RABL6: variants seen among roughly 807,000 people sequenced by gnomAD.
The protein encoded by RABL6 is RAB, member RAS oncogene family like 6.
A neutral mutation model predicts 72.9 loss-of-function variants in RABL6; 28 were observed. The observed-to-expected ratio is 0.38, with a 90% confidence interval of 0.28 to 0.53. The LOEUF is 0.53. RABL6 is among the 20% of genes least tolerant of loss of function. The pLI, the probability that RABL6 is intolerant of heterozygous loss-of-function variation, is 0.80. For synonymous variants in RABL6, 477 were observed against 421.2 expected (o/e 1.13, Z -1.62); for missense variants, 1,029 against 1,008.4 (o/e 1.02, Z -0.28).
In RABL6 at chr9:136,823,304, G is replaced by A. The variant is rs544322491; in HGVS notation, c.131-221G>A. Among the ~76,000 whole-genome samples, 19 of 152,166 alleles carry A rather than the reference G, an allele frequency of 1.2e-4. No homozygotes were observed. The South Asian group carries it at 1.7e-3, about 13-fold the overall frequency. On this transcript the variant is annotated intron_variant, in intron 1 of 14. Coordinates refer to ENST00000311502, the MANE Select transcript of RABL6 (RefSeq NM_024718.5). ...AGCTGCCCCCTGGGCCCGGTTCGCC[G>A]TTGATGCTCTGTGTGCTGCCAGGTG...
chr9:136,829,409 C>T lies in RABL6; in HGVS notation c.383C>T (p.Ala128Val). The T allele has an allele frequency of 1.3e-6, 2 of 1,575,896 alleles. No homozygotes were observed. Among genetic ancestry groups the T allele is most frequent in the Non-Finnish European group, 1.7e-6 (2 of 1,161,078 alleles). The change falls in exon 5 of 15, where the codon GCC (alanine) becomes GTC (valine). Residue 128 changes from alanine (A) to valine (V), a missense_variant. Ala to Val is a moderately conservative substitution (Grantham distance 64). Around this residue, in one of 2 missense-constraint regions of RABL6, gnomAD observed 434 missense variants for 536.1 expected, o/e 0.81. Transcript: ENST00000311502. ...NDPQEAESEM[A>V]LDAEFLDVYK... ...TGTCCCCAGGCGGAGTCTGAAATGGCCCTGGATGCTGAGTTCCTGGACGTG... is the reference window on the plus strand; with the variant it reads ...TGTCCCCAGGCGGAGTCTGAAATGGTCCTGGATGCTGAGTTCCTGGACGTG...
rs760093558 is a variant in RABL6 at position 136,823,673 on chromosome 9, G to A, written c.265+14G>A. The A allele has an allele frequency of 1.3e-6, 2 of 1,598,520 alleles. No homozygotes were observed. Among genetic ancestry groups the A allele is most frequent in the Admixed American group, 1.7e-5 (1 of 58,808 alleles). On this transcript the variant is annotated intron_variant, in intron 2 of 14. Coordinates refer to ENST00000311502, the MANE Select transcript of RABL6 (RefSeq NM_024718.5). Reference sequence around the variant, plus strand: ...GGAGCTACAAGAGTAAGTGTGGTGGGTGCCCCAGTGGGTTCGGGCTCCAGG... The same window carrying A: ...GGAGCTACAAGAGTAAGTGTGGTGGATGCCCCAGTGGGTTCGGGCTCCAGG...
In RABL6 at chr9:136,840,780, G is replaced by A. The variant is rs12001160; in HGVS notation, c.*258G>A. On this transcript the variant is annotated 3_prime_UTR_variant, in exon 15 of 15. Transcript: ENST00000311502. ...GCTCGGTGGACACCCTGGCCCTCTCGGGGCAGAGCCGCCAGTGTTTCTCAG... is the reference window on the plus strand; with the variant it reads ...GCTCGGTGGACACCCTGGCCCTCTCAGGGCAGAGCCGCCAGTGTTTCTCAG... 2.0e-4 allele frequency: 315 copies of A among 1,547,908 alleles called. 1 individual carries two copies. In the African/African-American group the frequency reaches 3.0e-3, roughly 15 times the overall value.
chr9:136,840,188 G>T lies in RABL6; in HGVS notation c.1965G>T (p.Lys655Asn), dbSNP rs779299268. 2 of 1,612,760 alleles carry T rather than the reference G, an allele frequency of 1.2e-6. No homozygotes were observed. The highest frequency in any genetic ancestry group is 1.7e-6 in the Non-Finnish European group (2 of 1,179,844). Residue 655 changes from lysine to asparagine, a missense_variant, in exon 14 of 15, where the codon AAG (lysine) becomes AAT (asparagine). Transcript: ENST00000311502. ...KEGKTPSKEK[K>N]KKKKKGKEEE... ...GCAAAACCCCCTCTAAGGAGAAGAAGAAGAAGAAGAAAAAAGGCAAAGAGG... is the reference window on the plus strand; with the variant it reads ...GCAAAACCCCCTCTAAGGAGAAGAATAAGAAGAAGAAAAAAGGCAAAGAGG...
chr9:136,829,341 CG>C, intron 4 of RABL6, 51 bp from the exon 5 acceptor site: 1 of 1,414,080 alleles, frequency 7.1e-7, no homozygotes, highest in South Asian at 1.2e-5. Flanking sequence ...GTGGGCCACA[CG>C]GGTGGGGCCC....
Position 136,832,256 on chromosome 9 carries a change from T to C in RABL6, c.600-9T>C. 1 of 1,612,422 alleles carries C rather than the reference T, an allele frequency of 6.2e-7. No homozygotes were observed. Reference sequence around the variant, plus strand: ...TTTCTCTTGCATCTTTTTTCCTTTCTGAAAGCAGACCTCCAGGTTCCTCCT... The same window carrying C: ...TTTCTCTTGCATCTTTTTTCCTTTCCGAAAGCAGACCTCCAGGTTCCTCCT... On this transcript the variant is annotated splice_polypyrimidine_tract_variant and intron_variant, in intron 6 of 14. Coordinates refer to ENST00000311502, the MANE Select transcript of RABL6 (RefSeq NM_024718.5).
chr9:136,832,154 G>T, intron 6 of RABL6, 111 bp from the exon 7 acceptor site: 1 of 1,070,008 alleles, frequency 9.3e-7, no homozygotes, highest in Non-Finnish European at 1.4e-6. Flanking sequence ...GGCCTCAGGA[G>T]CCTGCAGGAG....
chr9:136,831,141 ATTTC>A (rs1848464943), intron 5 of RABL6: 1 of 154,562 alleles, frequency 6.5e-6, no homozygotes, highest in Admixed American at 6.5e-5. Context: ...AGCGCTGGTT[ATTTC>A]TTCACAAGCC....
At position 136,839,016 on chromosome 9, in the gene RABL6, C is replaced by G. The variant is rs1256371544; in HGVS notation, c.1388C>G (p.Pro463Arg). The change falls in exon 11 of 15, where the codon CCC becomes CGC. Residue 463 changes from proline to arginine, a missense_variant. Pro to Arg is a moderately radical substitution (Grantham distance 103). This residue lies in a region of RABL6 where 595 missense variants were observed against 472.4 expected (regional missense o/e 1.26). Coordinates refer to ENST00000311502, the MANE Select transcript of RABL6 (RefSeq NM_024718.5). ...CCCCCGCTGCCTGCAGGCCCCGTCC[C>G]CAGTCAAGACATCACTCTTTCGAGT... ...GSPPLPAGPV[P>R]SQDITLSSEE... is the part of the protein sequence containing the mutation. The G allele has an allele frequency of 1.9e-6, 3 of 1,612,332 alleles. No homozygotes were observed. Among genetic ancestry groups the G allele is most frequent in the East Asian group, 2.2e-5 (1 of 44,890 alleles).
chr9:136,832,528 C>T, intron 7 of RABL6, 158 bp downstream of exon 7: 1 of 735,660 alleles, frequency 1.4e-6, no homozygotes, highest in Non-Finnish European at 2.5e-6. Context: ...ACTGCACCTG[C>T]CTGCTCTGGG....
rs1486291848 is a variant in RABL6, at chr9:136,841,039, A to G, written c.*517A>G. ...CTAGAAGGCTGGCGAGACCGAAGGC[A>G]GCATGTGAGGCCTCTCCTGGGAGTG... On this transcript the variant is annotated 3_prime_UTR_variant, in exon 15 of 15. Transcript: ENST00000311502. 1 of 1,428,824 alleles carries G rather than the reference A, an allele frequency of 7.0e-7. No homozygotes were observed. The highest frequency in any genetic ancestry group is 2.6e-5 in the East Asian group (1 of 38,684). 88.5% of individuals were successfully genotyped at this position (1,428,824 alleles called of 1,614,324 possible).
intron 1 of RABL6, chr9:136,814,090 G>A: frequency 2.9e-6 from 1 of 349,104 alleles, no homozygotes; most frequent in Non-Finnish European, 5.8e-6. Context: ...CAGGTCTTCA[G>A]CAGCTTGAAA....
intron 1 of RABL6, among the ~76,000 whole-genome samples, chr9:136,815,872 C>T (rs1848109393): frequency 6.6e-6 from 1 of 152,208 alleles, no homozygotes; most frequent in South Asian, 2.1e-4. Flanking sequence ...TGCATTGTAT[C>T]TTCTAAAACA....
At chr9:136,830,538 C>T (rs1848451225) in intron 5 of RABL6, among the ~76,000 whole-genome samples, 1 of 152,276 alleles carries the variant, frequency 6.6e-6, no homozygotes, top group Non-Finnish European at 1.5e-5. Context: ...ACACGCTGGC[C>T]TCACCTGGGC....
intron 1 of RABL6, chr9:136,814,950 C>G (rs761375069): frequency 2.3e-4 from 39 of 167,880 alleles, no homozygotes; most frequent in Non-Finnish European, 4.3e-4. Context: ...TCCTCTTCAT[C>G]TTCATTCCCA....
At chr9:136,824,608 C>T (rs570977302) in intron 2 of RABL6, among the ~76,000 whole-genome samples, 32 of 151,602 alleles carry the variant, frequency 2.1e-4, no homozygotes, top group African/African-American at 2.9e-4. Context: ...GGATTATAGG[C>T]GTGAGCCACC....
At chr9:136,816,192 C>T (rs1848115554) in intron 1 of RABL6, among the ~76,000 whole-genome samples, 1 of 152,170 alleles carries the variant, frequency 6.6e-6, no homozygotes, top group Admixed American at 6.5e-5. Flanking sequence ...GCAGCCTTCA[C>T]CTCCCTGGCT....
Position 136,835,950 on chromosome 9 carries a change from T to C in RABL6, c.809+105T>C, listed in dbSNP as rs537053348. 753 of 1,136,732 alleles carry C rather than the reference T, an allele frequency of 6.6e-4. 14 individuals carry two copies. The South Asian group carries it at 9.2e-3, about 14-fold the overall frequency. The allele number at this position is 1,136,732 out of a possible 1,614,324, so 70.4% of individuals were successfully genotyped here. The stretch of plus-strand genomic sequence containing the variant: ...GGAGACAGCAGAGGGGAGTGTCCCC[T>C]GTTTGGGGTAAATTAGTCACCTTTG... On this transcript the variant is annotated intron_variant, in intron 8 of 14. Transcript: ENST00000311502.
Position 136,829,486 on chromosome 9 carries a change from T to C in RABL6, c.458+2T>C. The C allele has an allele frequency of 6.3e-7, 1 of 1,577,412 alleles. No individual in the cohort carries two copies. Among genetic ancestry groups the C allele is most frequent in the Non-Finnish European group, 8.6e-7 (1 of 1,162,108 alleles). The stretch of plus-strand genomic sequence containing the variant: ...GATGTTCGACATTACCAAGCAGTGG[T>C]AAGAGGGAGCTGGCGGGGGCAGCTG... On this transcript the variant is annotated splice_donor_variant, in intron 5 of 14. Transcript: ENST00000311502. LOFTEE classifies it high-confidence loss of function.
Sources: gnomAD v4.1 joint callset for allele counts (sites outside exome capture counted in the v4.1 genomes callset) on GRCh38, gnomAD v4.1.1 for gene constraint, gnomAD v4.1.1 regional missense constraint, MANE v1.5 for transcripts, NCBI Gene and HGNC (gene_info 2026-07-23, HGNC 2026-07-21) for gene names.